Variants in LRP1B observed in about 807,000 individuals in gnomAD.
LRP1B encodes the protein low-density lipoprotein receptor-related protein 1B.
LRP1B carries 217 observed loss-of-function variants against 556.6 expected under a neutral mutation model. The ratio of observed to expected loss-of-function variants is 0.39; its 90% CI spans 0.35 to 0.44. LRP1B has a LOEUF of 0.44. Ranked by LOEUF, LRP1B falls within the 20% of genes least tolerant of loss-of-function variation. LRP1B has a pLI of 1.00. For missense variants in LRP1B, 5,053 were observed against 5,620.8 expected, an observed-to-expected ratio of 0.90 and a Z score of 3.23; for synonymous variants, 2,047 against 1,865.8, an observed-to-expected ratio of 1.10 and a Z score of -2.50.
At chr2:141,627,690 C>T (rs1332086397) in intron 2 of LRP1B, among the ~76,000 whole-genome samples, 2 of 152,222 alleles carry the variant, frequency 1.3e-5, no homozygotes, top group African/African-American at 4.8e-5. Context: ...CATGGAAACA[C>T]TGTCGTCCAC....
At chr2:140,757,260 A>G (rs1402380659) in intron 35 of LRP1B, among the ~76,000 whole-genome samples, 1 of 152,204 alleles carries the variant, frequency 6.6e-6, no homozygotes, top group East Asian at 1.9e-4. Flanking sequence ...CAAAGTTTGA[A>G]CATAAACAGT....
At chr2:140,280,154 C>A (rs1336001594) in intron 84 of LRP1B, among the ~76,000 whole-genome samples, 4 of 151,686 alleles carry the variant, frequency 2.6e-5, no homozygotes, top group Non-Finnish European at 5.9e-5. Context: ...CAAAGGATGG[C>A]CTTCTACTTT....
intron 1 of LRP1B, among the ~76,000 whole-genome samples, chr2:142,100,688 C>A (rs74704574): frequency 6.6e-6 from 1 of 151,894 alleles, no homozygotes; most frequent in Non-Finnish European, 1.5e-5. Context: ...AAACTGCATA[C>A]CTCTGTAAAT....
intron 2 of LRP1B, among the ~76,000 whole-genome samples, chr2:141,743,437 G>T (rs1693784685): frequency 6.7e-6 from 1 of 150,198 alleles, no homozygotes; most frequent in South Asian, 2.1e-4. Flanking sequence ...GGGTAACACT[G>T]GCCTCCTAGA....
chr2:141,449,079 T>C (rs918418263), intron 3 of LRP1B, among the ~76,000 whole-genome samples: 5 of 152,266 alleles, frequency 3.3e-5, no homozygotes, highest in African/African-American at 1.2e-4. Flanking sequence ...CTATGTGAAA[T>C]CTTCCTTTCC....
At chr2:141,847,717 A>G (rs1697701185) in intron 1 of LRP1B, among the ~76,000 whole-genome samples, 1 of 151,614 alleles carries the variant, frequency 6.6e-6, no homozygotes, top group Non-Finnish European at 1.5e-5. Flanking sequence ...TTACTAAATG[A>G]TGTCAAGTAA....
rs146867394 is a variant in LRP1B at position 140,541,066 on chromosome 2, C to T, written c.7420G>A (p.Gly2474Ser). 7.9e-3 allele frequency: 12,756 copies of T among 1,610,948 alleles called. 70 individuals are homozygous for T. Among genetic ancestry groups the T allele is most frequent in the Non-Finnish European group, 9.6e-3 (11,365 of 1,177,738 alleles). Residue 2474 changes from glycine to serine, a missense_variant, in exon 45 of 91, where the codon GGC becomes AGC. Transcript: ENST00000389484. The part of the protein sequence containing the change: ...ELSPCALLNG[G>S]CHDLCLLTPN... ...GTTAAAAGGCACAAGTCATGGCAGC[C>T]TCCATTCAATAATGCACATGGAGAA...
chr2:141,642,174 G>A (rs1465109793), intron 2 of LRP1B, among the ~76,000 whole-genome samples: 1 of 151,988 alleles, frequency 6.6e-6, no homozygotes, highest in Non-Finnish European at 1.5e-5. Context: ...CCCGAGTATT[G>A]ATATACACAA....
At chr2:141,356,673 G>C (rs1688638256) in intron 3 of LRP1B, among the ~76,000 whole-genome samples, 1 of 152,086 alleles carries the variant, frequency 6.6e-6, no homozygotes, top group Admixed American at 6.6e-5. Context: ...TAATATTAAA[G>C]TTGACATGAC....
At chr2:141,594,435 GT>G (rs907412225) in intron 2 of LRP1B, among the ~76,000 whole-genome samples, 16 of 152,192 alleles carry the variant, frequency 1.1e-4, no homozygotes, top group South Asian at 2.1e-4. Context: ...GAATACACAC[GT>G]TTTTGTAGAT....
At chr2:141,385,349 C>G (rs1056677121) in intron 3 of LRP1B, among the ~76,000 whole-genome samples, 4 of 152,080 alleles carry the variant, frequency 2.6e-5, no homozygotes, top group African/African-American at 9.7e-5. Context: ...CTGCAATGAT[C>G]AACAATCCAC....
chr2:140,956,143 C>A (rs953780169), intron 18 of LRP1B, among the ~76,000 whole-genome samples: 13 of 151,602 alleles, frequency 8.6e-5, no homozygotes, highest in Non-Finnish European at 1.9e-4. Flanking sequence ...ATATATGATA[C>A]TAGGCTAGCT....
chr2:141,306,898 A>G (rs186684366), intron 3 of LRP1B, among the ~76,000 whole-genome samples: 181 of 152,148 alleles, frequency 1.2e-3, no homozygotes, highest in Non-Finnish European at 2.0e-3. Flanking sequence ...TTTAATTTCA[A>G]TATATTTGTT....
intron 41 of LRP1B, among the ~76,000 whole-genome samples, chr2:140,624,581 T>C (rs1683586550): frequency 6.6e-6 from 1 of 152,110 alleles, no homozygotes; most frequent in South Asian, 2.1e-4. Flanking sequence ...CCTAAGTCAT[T>C]AAAAGGATTG....
rs768054323 is a variant in LRP1B, at chr2:141,480,475, G to C, written c.264C>G (p.Asn88Lys). The C allele has an allele frequency of 1.5e-5, 25 of 1,613,830 alleles. 1 individual carries two copies. The highest frequency in any genetic ancestry group is 8.8e-5 in the South Asian group (8 of 91,084). Residue 88 changes from asparagine to lysine, a missense_variant, in exon 3 of 91, where the codon AAC (asparagine) becomes AAG (lysine). By Grantham distance (94) the Asn-to-Lys change is moderately conservative. Transcript: ENST00000389484. ...PLNHIACLGT[N>K]KCVHLSQLCN... is the part of the protein sequence containing the mutation. ...ACAGCTGGGATAAATGAACACATTT[G>C]TTGGTACCAAGGCAAGCAATGTGAT...
At chr2:141,404,766 T>C (rs1001488932) in intron 3 of LRP1B, among the ~76,000 whole-genome samples, 13 of 152,300 alleles carry the variant, frequency 8.5e-5, no homozygotes, top group Non-Finnish European at 1.6e-4. Flanking sequence ...TGAGTCTTCT[T>C]TGAATCCTTC....
At chr2:141,260,517 C>T (rs568954318) in intron 3 of LRP1B, among the ~76,000 whole-genome samples, 5 of 152,012 alleles carry the variant, frequency 3.3e-5, no homozygotes, top group South Asian at 2.1e-4. Flanking sequence ...CCAAACATTA[C>T]GAGTTATTAC....
intron 2 of LRP1B, among the ~76,000 whole-genome samples, chr2:141,661,946 G>A (rs553795233): frequency 2.8e-4 from 43 of 152,202 alleles, no homozygotes; most frequent in African/African-American, 6.0e-4. Flanking sequence ...GCCAGGTCAC[G>A]TACAAAGGAA....
intron 7 of LRP1B, among the ~76,000 whole-genome samples, chr2:141,161,735 T>C (rs532616782): frequency 6.6e-6 from 1 of 152,280 alleles, no homozygotes; most frequent in Admixed American, 6.5e-5. Flanking sequence ...GGCAAAGTTG[T>C]GCTTGTTGCT....
Sources: allele counts gnomAD v4.1 joint callset (sites outside exome capture counted in the v4.1 genomes callset), GRCh38; gene constraint gnomAD v4.1.1; transcripts MANE v1.5; gene names NCBI Gene and HGNC (gene_info 2026-07-23, HGNC 2026-07-21).